The following RASGRF2 variants were observed in gnomAD, a reference collection of about 807,000 sequenced individuals.
RASGRF2 encodes the protein Ras protein specific guanine nucleotide releasing factor 2.
In RASGRF2, 76 loss-of-function variants were observed where a neutral mutation model predicts 151.0. The observed-to-expected ratio is 0.50, with a 90% confidence interval of 0.42 to 0.61. The LOEUF is 0.61. Ranked by LOEUF, RASGRF2 falls within the 20% of genes least tolerant of loss-of-function variation. RASGRF2 has a pLI of 0.00. For synonymous variants in RASGRF2, 504 were observed against 566.5 expected, an observed-to-expected ratio of 0.89 and a Z score of 1.57; for missense variants, 1,148 against 1,564.6, an observed-to-expected ratio of 0.73 and a Z score of 4.49.
Position 81,080,782 on chromosome 5 carries a change from T to C in RASGRF2, c.1154T>C (p.Met385Thr). 6.2e-7 allele frequency: 1 copy of C among 1,612,860 alleles called. No individual in the cohort carries two copies. Among genetic ancestry groups the C allele is most frequent in the Non-Finnish European group, 8.5e-7 (1 of 1,179,286 alleles). Residue 385 changes from methionine to threonine, a missense_variant, in exon 7 of 27, where the codon ATG becomes ACG. Physicochemically the swap from Met to Thr is moderately conservative, Grantham distance 81. This residue lies in a region of RASGRF2 where 176 missense variants were observed against 309.6 expected (regional missense o/e 0.57). Coordinates refer to ENST00000265080, the MANE Select transcript of RASGRF2 (RefSeq NM_006909.3). ...RMLETFLTYP[M>T]FQIPRYIITL... is the part of the protein sequence containing the mutation. Reference sequence around the variant, plus strand: ...CTGGAGACATTCTTGACCTATCCCATGTTTCAGGTAAGTCACTTGGGATGC... The same window carrying C: ...CTGGAGACATTCTTGACCTATCCCACGTTTCAGGTAAGTCACTTGGGATGC...
At chr5:81,205,762 A>C (rs114219051) in intron 19 of RASGRF2, among the ~76,000 whole-genome samples, 3,751 of 152,002 alleles carry the variant, frequency 0.025, 175 homozygotes, top group African/African-American at 0.085. Context: ...TTATTTATTT[A>C]TTTTTGAGAC....
chr5:81,088,663 G>A (rs1752307492), intron 9 of RASGRF2: 1 of 151,928 alleles, frequency 6.6e-6, no homozygotes, highest in Non-Finnish European at 1.5e-5. Flanking sequence ...TGTGAGAATG[G>A]AGACGAAAGT....
chr5:81,113,669 T>C lies in RASGRF2; in HGVS notation c.2219T>C (p.Val740Ala), dbSNP rs946967348. 4 of 1,613,378 alleles carry C rather than the reference T, an allele frequency of 2.5e-6. No homozygotes were observed. The African/African-American group carries it at 5.3e-5, about 22-fold the overall frequency. The change falls in exon 15 of 27, where the codon GTG (valine) becomes GCG (alanine). Residue 740 changes from valine (V) to alanine (A), a missense_variant. By Grantham distance (64) the Val-to-Ala change is moderately conservative. Around this residue, in one of 5 missense-constraint regions of RASGRF2, gnomAD observed 646 missense variants for 807.4 expected, o/e 0.80. Coordinates refer to ENST00000265080, the MANE Select transcript of RASGRF2 (RefSeq NM_006909.3). ...GCTGTGTCCAGAACATCTTCCCCAG[T>C]GAGGGCCAGAAAGCTGTCTTTGACT... ...PLAVSRTSSPVRARKLSLTSP... is the reference protein window; with the variant it reads ...PLAVSRTSSPARARKLSLTSP...
chr5:80,993,250 A>G (rs1748712500), intron 1 of RASGRF2, among the ~76,000 whole-genome samples: 1 of 152,364 alleles, frequency 6.6e-6, no homozygotes, highest in South Asian at 2.1e-4. Flanking sequence ...CACCATATCC[A>G]TGATACATTC....
At chr5:81,202,040 G>T (rs1223872910) in intron 19 of RASGRF2, among the ~76,000 whole-genome samples, 1 of 152,166 alleles carries the variant, frequency 6.6e-6, no homozygotes, top group African/African-American at 2.4e-5. Context: ...TGGGTGTACT[G>T]CTAGAGATTG....
chr5:81,058,096 T>G (rs965261704), intron 2 of RASGRF2, among the ~76,000 whole-genome samples: 1 of 152,096 alleles, frequency 6.6e-6, no homozygotes, highest in African/African-American at 2.4e-5. Flanking sequence ...TATTACACAC[T>G]AATATTTTAT....
chr5:80,972,152 A>G (rs1747958336), intron 1 of RASGRF2, among the ~76,000 whole-genome samples: 1 of 152,176 alleles, frequency 6.6e-6, no homozygotes, highest in South Asian at 2.1e-4. Flanking sequence ...AAAGTCTTGT[A>G]CAAGCCTTTT....
chr5:80,976,272 A>G (rs1352917115), intron 1 of RASGRF2, among the ~76,000 whole-genome samples: 3 of 152,212 alleles, frequency 2.0e-5, no homozygotes, highest in African/African-American at 7.2e-5. Context: ...TGAGGCATGC[A>G]CTTTCCATAT....
intron 18 of RASGRF2, among the ~76,000 whole-genome samples, chr5:81,194,824 C>A (rs1016985455): frequency 3.3e-5 from 5 of 152,220 alleles, no homozygotes; most frequent in African/African-American, 1.2e-4. Context: ...CAAACCCACC[C>A]AGAAGTCTGC....
At chr5:81,211,453 C>CTGATT (rs1160350644) in intron 22 of RASGRF2, among the ~76,000 whole-genome samples, 1 of 152,212 alleles carries the variant, frequency 6.6e-6, no homozygotes, top group African/African-American at 2.4e-5. Context: ...ATCGAAATTA[C>CTGATT]TGATTAACAA....
At position 80,960,377 on chromosome 5, in the gene RASGRF2, TGCCGCCCCAGCCC is replaced by T. The variant is rs1014112289; in HGVS notation, c.-356_-344del. On this transcript the variant is annotated 5_prime_UTR_variant, in exon 1 of 27. Transcript: ENST00000265080. The surrounding 1 kb of genome is among the most constrained non-coding windows in gnomAD (Gnocchi z 5.5). ...TGCCCGAGGACAGTCCTTCCCCGGC[TGCCGCCCCAGCCC>T]GCCGCGGGGGCTCGGCTCCCGCAAC... Among the ~76,000 whole-genome samples the T allele has an allele frequency of 3.3e-5, 5 of 151,052 alleles. No homozygotes were observed. Among genetic ancestry groups the T allele is most frequent in the African/African-American group, 9.7e-5 (4 of 41,326 alleles).
intron 1 of RASGRF2, among the ~76,000 whole-genome samples, chr5:81,004,223 T>C (rs1037541930): frequency 8.5e-5 from 13 of 152,242 alleles, no homozygotes; most frequent in Admixed American, 1.3e-4. Context: ...TCCCACTTGC[T>C]GCTAAACGGT....
chr5:81,049,025 T>C (rs2592093), intron 2 of RASGRF2, among the ~76,000 whole-genome samples: 17,198 of 152,126 alleles, frequency 0.11, 1,252 homozygotes, highest in Non-Finnish European at 0.16. Context: ...GTTTTGTCCC[T>C]ACTCTACTAT....
Position 81,065,405 on chromosome 5 carries a change from C to T in RASGRF2, c.396-2627C>T, listed in dbSNP as rs374809303. Reference sequence around the variant, plus strand: ...TCTCCCTTGTGTCCACGGTGAATGTCTGGAGTAAACCCAAGCTCTGTTCTC... The same window carrying T: ...TCTCCCTTGTGTCCACGGTGAATGTTTGGAGTAAACCCAAGCTCTGTTCTC... On this transcript the variant is annotated intron_variant, in intron 2 of 26. Transcript: ENST00000265080. 1.6e-4 allele frequency among the ~76,000 whole-genome samples: 25 copies of T among 152,276 alleles called. No individual in the cohort carries two copies. In the East Asian group the frequency reaches 4.9e-3, roughly 30 times the overall value.
At chr5:81,173,191 A>G (rs1754697166) in intron 17 of RASGRF2, among the ~76,000 whole-genome samples, 1 of 152,170 alleles carries the variant, frequency 6.6e-6, no homozygotes, top group South Asian at 2.1e-4. Flanking sequence ...ACCCTGGCCA[A>G]CATGGTGAAA....
chr5:81,184,104 C>T lies in RASGRF2; in HGVS notation c.2793+3823C>T, dbSNP rs149184916. ...TAATGTTTCCACTGTTCATTCTCTC[C>T]TGGAGGTCATTTTCTAGCCTTTAAA... is the stretch of plus-strand genomic sequence containing the variant. On this transcript the variant is annotated intron_variant, in intron 18 of 26. Transcript: ENST00000265080. Among the ~76,000 whole-genome samples, 470 of 152,322 alleles carry T rather than the reference C, an allele frequency of 3.1e-3. 1 individual carries two copies. The highest frequency in any genetic ancestry group is 0.011 in the African/African-American group (446 of 41,564).
chr5:81,217,339 G>A lies in RASGRF2; in HGVS notation c.3435-17G>A, dbSNP rs773664357. 5.7e-6 allele frequency: 9 copies of A among 1,589,228 alleles called. No individual in the cohort carries two copies. Among genetic ancestry groups the A allele is most frequent in the Non-Finnish European group, 7.7e-6 (9 of 1,171,716 alleles). On this transcript the variant is annotated splice_polypyrimidine_tract_variant and intron_variant, in intron 24 of 26. Coordinates refer to ENST00000265080, the MANE Select transcript of RASGRF2 (RefSeq NM_006909.3). ...TTATTCAAATGAGTCTCAGAACAGTGCCTCTTGGTCTTGCAGTTGTAACCC... is the reference window on the plus strand; with the variant it reads ...TTATTCAAATGAGTCTCAGAACAGTACCTCTTGGTCTTGCAGTTGTAACCC...
intron 1 of RASGRF2, among the ~76,000 whole-genome samples, chr5:81,006,540 A>G (rs1400774210): frequency 6.6e-6 from 1 of 152,224 alleles, no homozygotes; most frequent in Non-Finnish European, 1.5e-5. Context: ...TCCATACCCC[A>G]GAGCAGCTAA....
At chr5:81,068,276 A>G in intron 3 of RASGRF2, 97 bp downstream of exon 3, 3 of 1,404,284 alleles carry the variant, frequency 2.1e-6, no homozygotes, top group Non-Finnish European at 2.9e-6. Flanking sequence ...TTTTAATCCC[A>G]GGCTGACTTC....
Sources: allele counts gnomAD v4.1 joint callset (sites outside exome capture counted in the v4.1 genomes callset), GRCh38; gene constraint gnomAD v4.1.1; regional missense constraint gnomAD v4.1.1; non-coding constraint Gnocchi (gnomAD v3.1); transcripts MANE v1.5; gene names NCBI Gene and HGNC (gene_info 2026-07-23, HGNC 2026-07-21).